AUTS2: variants seen among roughly 807,000 people sequenced by gnomAD.
AUTS2 encodes the protein activator of transcription and developmental regulator AUTS2.
Under a neutral mutation model 112.4 loss-of-function variants are expected in AUTS2, and 17 were observed. That is an observed-to-expected ratio of 0.15 (90% CI 0.10 to 0.23). The LOEUF (loss-of-function observed/expected upper bound fraction) is 0.23, where lower values mean the gene tolerates loss of function less well. Among genes scored for constraint, AUTS2 ranks in the 10% least tolerant of loss-of-function variants. The pLI, the probability that AUTS2 is intolerant of heterozygous loss-of-function variation, is 1.00. For missense variants in AUTS2, 1,510 were observed against 1,701.6 expected (o/e 0.89, Z 1.98); for synonymous variants, 751 against 702.7 (o/e 1.07, Z -1.09).
chr7:70,452,423 C>T (rs1410762242), intron 5 of AUTS2, among the ~76,000 whole-genome samples: 1 of 152,162 alleles, frequency 6.6e-6, no homozygotes, highest in Non-Finnish European at 1.5e-5. Flanking sequence ...TGCACCACTG[C>T]ACTCCAGTCT....
chr7:70,439,267 C>T (rs1796022144), intron 5 of AUTS2, among the ~76,000 whole-genome samples: 1 of 152,108 alleles, frequency 6.6e-6, no homozygotes, highest in South Asian at 2.1e-4. Flanking sequence ...GGGCTGGGTG[C>T]GGTGGCTGAT....
intron 1 of AUTS2, among the ~76,000 whole-genome samples, chr7:69,625,206 A>G (rs1169062071): frequency 6.6e-6 from 1 of 152,196 alleles, no homozygotes; most frequent in Non-Finnish European, 1.5e-5. Context: ...AAGGTCTTTC[A>G]AATTAGCTTG....
chr7:70,014,515 T>G (rs1192909930), intron 2 of AUTS2, among the ~76,000 whole-genome samples: 2 of 152,274 alleles, frequency 1.3e-5, no homozygotes, highest in African/African-American at 2.4e-5. Flanking sequence ...ATTAAATTAA[T>G]GAAGATTTCA....
At chr7:70,656,411 T>C (rs11763624) in intron 5 of AUTS2, among the ~76,000 whole-genome samples, 88,486 of 151,840 alleles carry the variant, frequency 0.58, 26,533 homozygotes, top group Middle Eastern at 0.72. Flanking sequence ...CTTATTGTCT[T>C]TTTTTTTAAT....
chr7:70,373,202 A>G (rs1186700746), intron 4 of AUTS2, among the ~76,000 whole-genome samples: 4 of 151,922 alleles, frequency 2.6e-5, no homozygotes, highest in Non-Finnish European at 5.9e-5. Flanking sequence ...GGGCCAGGAC[A>G]GAAGAGCAGA....
intron 5 of AUTS2, among the ~76,000 whole-genome samples, chr7:70,665,622 G>C (rs1807304419): frequency 6.6e-6 from 1 of 152,082 alleles, no homozygotes; most frequent in Non-Finnish European, 1.5e-5. Context: ...TCTTTAGTGA[G>C]GTAGCATTCC....
intron 4 of AUTS2, among the ~76,000 whole-genome samples, chr7:70,239,849 T>C (rs1298619194): frequency 6.6e-6 from 1 of 152,218 alleles, no homozygotes; most frequent in Non-Finnish European, 1.5e-5. Context: ...TAAGGCAATG[T>C]ACATAAGAAT....
intron 1 of AUTS2, among the ~76,000 whole-genome samples, chr7:69,860,001 A>C (rs1212728240): frequency 6.6e-6 from 1 of 152,124 alleles, no homozygotes; most frequent in African/African-American, 2.4e-5. Context: ...ATTCAAATTT[A>C]GAAAATTTTA....
At chr7:70,131,207 T>C (rs1806253848) in intron 3 of AUTS2, among the ~76,000 whole-genome samples, 1 of 151,984 alleles carries the variant, frequency 6.6e-6, no homozygotes, top group Admixed American at 6.6e-5. Flanking sequence ...ATCCCAACAC[T>C]TGGGAAGCCG....
At position 70,781,663 on chromosome 7, in the gene AUTS2, G is replaced by A. The variant is rs1791091146; in HGVS notation, c.2053G>A (p.Glu685Lys). The A allele has an allele frequency of 6.2e-7, 1 of 1,614,046 alleles. No individual in the cohort carries two copies. The highest frequency in any genetic ancestry group is 1.7e-5 in the Admixed American group (1 of 60,006). Residue 685 changes from glutamate to lysine, a missense_variant, in exon 15 of 19, where the codon GAG becomes AAG. By Grantham distance (56) the Glu-to-Lys change is moderately conservative. Coordinates refer to ENST00000342771, the MANE Select transcript of AUTS2 (RefSeq NM_015570.4). ...PHKLDFGLKP[E>K]FLSRPPGPSL... ...TAAGCTGGACTTTGGACTGAAACCTGAGTTCCTGAGCCGCCCTCCAGGCCC... is the reference window on the plus strand; with the variant it reads ...TAAGCTGGACTTTGGACTGAAACCTAAGTTCCTGAGCCGCCCTCCAGGCCC...
intron 10 of AUTS2, 85 bp from the exon 11 acceptor site, chr7:70,771,464 G>A (rs1421394603): frequency 5.3e-5 from 61 of 1,155,126 alleles, no homozygotes; most frequent in South Asian, 2.1e-4. Flanking sequence ...TGCTCATGTC[G>A]ATGTCTTTCT....
At position 69,966,227 on chromosome 7, in the gene AUTS2, C is replaced by T. The variant is rs115206829; in HGVS notation, c.522+66729C>T. Reference sequence around the variant, plus strand: ...TGAAGGATTTGTAGGTCCACATCTTCGATGCTTCTGCAACACAGAGTTAGG... The same window carrying T: ...TGAAGGATTTGTAGGTCCACATCTTTGATGCTTCTGCAACACAGAGTTAGG... On this transcript the variant is annotated intron_variant, in intron 2 of 18. Transcript: ENST00000342771. Among the ~76,000 whole-genome samples, 1,351 of 152,212 alleles carry T rather than the reference C, an allele frequency of 8.9e-3. 23 individuals are homozygous for T. The highest frequency in any genetic ancestry group is 0.031 in the African/African-American group (1,284 of 41,526).
chr7:70,495,451 C>T lies in AUTS2; in HGVS notation c.690+59670C>T, dbSNP rs542990190. Reference sequence around the variant, plus strand: ...ATCTTCTTGCCCCAGTAAACAGTTGCTTACAGTCTCCTAGAGTGAGGTTGG... The same window carrying T: ...ATCTTCTTGCCCCAGTAAACAGTTGTTTACAGTCTCCTAGAGTGAGGTTGG... On this transcript the variant is annotated intron_variant, in intron 5 of 18. Transcript: ENST00000342771. Among the ~76,000 whole-genome samples the T allele has an allele frequency of 5.1e-4, 78 of 152,088 alleles. 1 individual carries two copies. The Middle Eastern group carries it at 0.01, about 20-fold the overall frequency.
intron 1 of AUTS2, among the ~76,000 whole-genome samples, chr7:69,862,355 G>A (rs1267640527): frequency 6.6e-6 from 1 of 152,148 alleles, no homozygotes; most frequent in Non-Finnish European, 1.5e-5. Flanking sequence ...AAATTTATAT[G>A]GAATAAAGGA....
At chr7:70,079,591 A>C (rs1292989925) in intron 2 of AUTS2, among the ~76,000 whole-genome samples, 1 of 152,122 alleles carries the variant, frequency 6.6e-6, no homozygotes, top group Non-Finnish European at 1.5e-5. Flanking sequence ...TCACTTCCTT[A>C]TTAGCTGCTA....
intron 5 of AUTS2, among the ~76,000 whole-genome samples, chr7:70,552,532 G>A (rs1329154276): frequency 6.6e-6 from 1 of 152,130 alleles, no homozygotes; most frequent in Non-Finnish European, 1.5e-5. Context: ...GAAAATAGAA[G>A]GTTTGTTTTT....
chr7:70,367,808 A>C (rs1317686178), intron 4 of AUTS2, among the ~76,000 whole-genome samples: 1 of 152,234 alleles, frequency 6.6e-6, no homozygotes, highest in Non-Finnish European at 1.5e-5. Context: ...TCTGAAGACC[A>C]CTGGCTTTGC....
intron 1 of AUTS2, among the ~76,000 whole-genome samples, chr7:69,780,547 G>A (rs1049388910): frequency 1.3e-5 from 2 of 152,154 alleles, no homozygotes; most frequent in East Asian, 1.9e-4. Context: ...GGAGGAGGGC[G>A]GGTAAAGAAA....
chr7:70,369,811 C>G (rs1792757880), intron 4 of AUTS2, among the ~76,000 whole-genome samples: 1 of 152,184 alleles, frequency 6.6e-6, no homozygotes, highest in Admixed American at 6.5e-5. Context: ...GGTATCTTCT[C>G]CTCATCTACT....
Sources: gnomAD v4.1 joint callset for allele counts (sites outside exome capture counted in the v4.1 genomes callset) on GRCh38, gnomAD v4.1.1 for gene constraint, MANE v1.5 for transcripts, NCBI Gene and HGNC (gene_info 2026-07-23, HGNC 2026-07-21) for gene names.